OR51B5: variants seen among roughly 807,000 people sequenced by gnomAD.
OR51B5 encodes olfactory receptor 51B5.
For missense variants in OR51B5, 456 were observed against 374.6 expected, an observed-to-expected ratio of 1.22 and a Z score of -1.79; for synonymous variants, 186 against 144.8, an observed-to-expected ratio of 1.28 and a Z score of -2.04.
intron 1 of OR51B5, among the ~76,000 whole-genome samples, chr11:5,445,546 T>G (rs2133235): frequency 0.53 from 80,052 of 151,746 alleles, 21,825 homozygotes; most frequent in Non-Finnish European, 0.59. Context: ...TATCAGCACT[T>G]ATAGTATACA....
At chr11:5,349,131 C>T (rs1849036851) in intron 1 of OR51B5, among the ~76,000 whole-genome samples, 2 of 152,090 alleles carry the variant, frequency 1.3e-5, no homozygotes, top group South Asian at 4.1e-4. Flanking sequence ...TGAATGGCTG[C>T]AGGGATGAGG....
chr11:5,422,700 G>C (rs902821136), intron 1 of OR51B5: 3 of 1,613,800 alleles, frequency 1.9e-6, no homozygotes, highest in Non-Finnish European at 2.5e-6. Context: ...TTACTCAAGC[G>C]ACTGCCTTTC....
upstream of OR51B5, among the ~76,000 whole-genome samples, chr11:5,345,114 C>T (rs185072215): frequency 7.9e-5 from 12 of 152,246 alleles, no homozygotes; most frequent in East Asian, 2.3e-3. Flanking sequence ...GCCTTACAGA[C>T]CACCACGGAA....
intron 1 of OR51B5, among the ~76,000 whole-genome samples, chr11:5,470,271 A>C (rs1851207391): frequency 6.6e-6 from 1 of 152,228 alleles, no homozygotes; most frequent in Non-Finnish European, 1.5e-5. Context: ...CACTCCTATC[A>C]GCATTCAAAT....
chr11:5,378,263 G>C (rs575844882), intron 1 of OR51B5, among the ~76,000 whole-genome samples: 8 of 152,196 alleles, frequency 5.3e-5, no homozygotes, highest in African/African-American at 1.9e-4. Context: ...GCCATATGTA[G>C]AATGCTGAAA....
At chr11:5,435,033 G>C (rs1273832035) in intron 1 of OR51B5, among the ~76,000 whole-genome samples, 2 of 152,140 alleles carry the variant, frequency 1.3e-5, no homozygotes, top group African/African-American at 4.8e-5. Context: ...GAGGTCAGGT[G>C]GTGGGGAACA....
rs34017644 is a variant in OR51B5 at position 5,342,609 on chromosome 11, T to TA, written c.915dup (p.Thr306TyrfsTer4). 11 of 1,596,276 alleles carry TA rather than the reference T, an allele frequency of 6.9e-6. No homozygotes were observed. The Admixed American group carries it at 1.9e-4, about 28-fold the overall frequency. ...GATCAGGTTCCAATTCTATGGGTAG[T>TA]AAAAAGGTGAAGAATGGCATTCTGA... is the stretch of plus-strand genomic sequence containing the variant. On this transcript the variant is annotated frameshift_variant, in exon 1 of 1. Coordinates refer to ENST00000300773, the Ensembl canonical transcript of OR51B5. LOFTEE classifies it low-confidence loss of function (END_TRUNC).
In OR51B5 at chr11:5,353,763, TCTGTCA is replaced by T. The variant is rs1373074684; in HGVS notation, n.85-6859_85-6854del. 3.3e-5 allele frequency among the ~76,000 whole-genome samples: 5 copies of T among 152,354 alleles called. No individual in the cohort carries two copies. In the East Asian group the frequency reaches 9.6e-4, roughly 29 times the overall value. On this transcript the variant is annotated intron_variant and non_coding_transcript_variant, in intron 1 of 4. Coordinates refer to the OR51B5 transcript ENST00000415970. ...AGCTGGATGCCCCTCATCTCTGGCCTCTGTCATACTGACACTCAGTGATCTATGGCT... is the reference window on the plus strand; with the variant it reads ...AGCTGGATGCCCCTCATCTCTGGCCTTACTGACACTCAGTGATCTATGGCT...
intron 1 of OR51B5, among the ~76,000 whole-genome samples, chr11:5,399,970 C>G (rs7930818): frequency 0.042 from 6,425 of 152,148 alleles, 256 homozygotes; most frequent in African/African-American, 0.097. Flanking sequence ...ACGGGAAGAA[C>G]AGCTGCTCAA....
chr11:5,412,089 T>C (rs1222340496), intron 1 of OR51B5, among the ~76,000 whole-genome samples: 1 of 152,176 alleles, frequency 6.6e-6, no homozygotes, highest in East Asian at 1.9e-4. Context: ...AAAACTAATA[T>C]AACAGCACAG....
chr11:5,430,710 G>T (rs60764921), intron 1 of OR51B5: 29,888 of 456,610 alleles, frequency 0.065, 1,342 homozygotes, highest in Middle Eastern at 0.16. Context: ...TTATTGTCTG[G>T]GTCTTAACAC....
intron 1 of OR51B5, among the ~76,000 whole-genome samples, chr11:5,419,475 A>C (rs1040190349): frequency 6.6e-6 from 1 of 152,240 alleles, no homozygotes. Flanking sequence ...CTGAACATGC[A>C]CAGATTATTT....
At chr11:5,358,291 T>G (rs192391003) in intron 1 of OR51B5, among the ~76,000 whole-genome samples, 150 of 151,770 alleles carry the variant, frequency 9.9e-4, no homozygotes, top group African/African-American at 3.5e-3. Context: ...ATAGATGCAA[T>G]AAAAAATGAT....
At chr11:5,347,639 CAACCTCCAACAGAGGAA>C (rs1001202510), upstream of OR51B5, among the ~76,000 whole-genome samples, 121 of 152,260 alleles carry the variant, frequency 7.9e-4, no homozygotes, top group African/African-American at 2.7e-3. Context: ...ACAAAATATT[CAACCTCCAACAGAGGAA>C]AACCTCCAGT....
intron 1 of OR51B5, among the ~76,000 whole-genome samples, chr11:5,458,011 G>A (rs942168537): frequency 6.6e-6 from 1 of 152,072 alleles, no homozygotes; most frequent in East Asian, 1.9e-4. Context: ...AACGGCTTTT[G>A]GAGATTTCAT....
intron 1 of OR51B5, among the ~76,000 whole-genome samples, chr11:5,399,711 G>C (rs548738460): frequency 4.7e-4 from 71 of 151,118 alleles, no homozygotes; most frequent in Non-Finnish European, 8.7e-4. Context: ...CTTTCAAGGA[G>C]ATCTGACCCT....
At chr11:5,475,424 T>C (rs1427950167) in intron 1 of OR51B5, among the ~76,000 whole-genome samples, 2 of 152,172 alleles carry the variant, frequency 1.3e-5, no homozygotes, top group Non-Finnish European at 2.9e-5. Flanking sequence ...ACAAATGCTG[T>C]TTCACATGTC....
Position 5,505,485 on chromosome 11 carries a change from C to G in OR51B5, n.84+84G>C. On this transcript the variant is annotated intron_variant and non_coding_transcript_variant, in intron 1 of 4. Transcript: ENST00000415970. ...GGAGTGGAGTGAGGGGAAACTGAAG[C>G]TGTATTTGTCCGTTTTCACGCTGCT... 4 of 1,291,582 alleles carry G rather than the reference C, an allele frequency of 3.1e-6. No homozygotes were observed. In the South Asian group the frequency reaches 3.8e-5, roughly 12 times the overall value. 80.0% of individuals were successfully genotyped at this position (1,291,582 alleles called of 1,614,324 possible).
chr11:5,410,918 A>G (rs1272124847), intron 1 of OR51B5, among the ~76,000 whole-genome samples: 1 of 147,278 alleles, frequency 6.8e-6, no homozygotes, highest in Non-Finnish European at 1.5e-5. Flanking sequence ...TTTCTGTACC[A>G]CTGTACAATG....
Sources: gnomAD v4.1 joint callset for allele counts (sites outside exome capture counted in the v4.1 genomes callset) on GRCh38, gnomAD v4.1.1 for gene constraint, MANE v1.5 for transcripts, NCBI Gene and HGNC (gene_info 2026-07-23, HGNC 2026-07-21) for gene names.